Variants in DUSP19 observed in about 807,000 individuals in gnomAD.
DUSP19 encodes dual specificity protein phosphatase 19.
A neutral mutation model predicts 16.6 loss-of-function variants in DUSP19; 14 were observed. That is an observed-to-expected ratio of 0.84 (90% CI 0.56 to 1.32). The LOEUF (loss-of-function observed/expected upper bound fraction) is 1.32. Among genes scored for constraint, DUSP19 ranks in the 40% most tolerant of loss-of-function variants. The pLI is 0.00. For synonymous variants in DUSP19, 81 were observed against 90.5 expected, an observed-to-expected ratio of 0.90 and a Z score of 0.59; for missense variants, 258 against 255.9, an observed-to-expected ratio of 1.01 and a Z score of -0.06.
At chr2:183,079,538 T>C (rs946560051) in intron 1 of DUSP19, among the ~76,000 whole-genome samples, 7 of 151,780 alleles carry the variant, frequency 4.6e-5, no homozygotes, top group Non-Finnish European at 5.9e-5. Flanking sequence ...CAAGTGACAA[T>C]GGTTAAAGTT....
At chr2:183,092,058 C>T (rs1467231430) in intron 3 of DUSP19, among the ~76,000 whole-genome samples, 1 of 152,128 alleles carries the variant, frequency 6.6e-6, no homozygotes, top group Non-Finnish European at 1.5e-5. Flanking sequence ...AAGGTTGTGC[C>T]TGAATATAAA....
chr2:183,083,578 C>T (rs371382339), intron 2 of DUSP19, 24 bp downstream of exon 2: 170 of 1,578,750 alleles, frequency 1.1e-4, no homozygotes, highest in Non-Finnish European at 1.4e-4. Context: ...TTAAGTCTGG[C>T]ACCATATACA....
intron 3 of DUSP19, among the ~76,000 whole-genome samples, chr2:183,088,776 T>TA (rs1164649964): frequency 1.3e-5 from 2 of 152,184 alleles, no homozygotes; most frequent in East Asian, 3.9e-4. Flanking sequence ...GTTTTCTTGT[T>TA]AAAAAATTTA....
intron 3 of DUSP19, among the ~76,000 whole-genome samples, chr2:183,093,490 A>G (rs1276393925): frequency 6.6e-6 from 1 of 152,188 alleles, no homozygotes; most frequent in Non-Finnish European, 1.5e-5. Flanking sequence ...CAGCAAGTGC[A>G]AAGGAAAAAA....
At chr2:183,090,679 A>G (rs1355045365) in intron 3 of DUSP19, among the ~76,000 whole-genome samples, 2 of 152,218 alleles carry the variant, frequency 1.3e-5, no homozygotes, top group East Asian at 3.8e-4. Flanking sequence ...AGTATCATAC[A>G]GTTTATATTC....
chr2:183,090,881 C>T lies in DUSP19; in HGVS notation c.426+3689C>T, dbSNP rs150827978. On this transcript the variant is annotated intron_variant, in intron 3 of 3. Coordinates refer to ENST00000354221, the MANE Select transcript of DUSP19 (RefSeq NM_080876.4). ...GCCCACCCGGCTGAGGCCAGCAGGC[C>T]TCTTGGCACATTCTTGGATCCCTGC... Among the ~76,000 whole-genome samples, 15 of 152,320 alleles carry T rather than the reference C, an allele frequency of 9.8e-5. 1 individual carries two copies. The East Asian group carries it at 2.9e-3, about 29-fold the overall frequency.
chr2:183,086,066 A>G (rs547417572), intron 2 of DUSP19, among the ~76,000 whole-genome samples: 1 of 151,858 alleles, frequency 6.6e-6, no homozygotes, highest in Non-Finnish European at 1.5e-5. Flanking sequence ...ACATAGATGC[A>G]AGAGGAGGAG....
chr2:183,086,651 GAAAAA>G (rs71008262), intron 2 of DUSP19, among the ~76,000 whole-genome samples: 1 of 95,702 alleles, frequency 1.0e-5, no homozygotes, highest in South Asian at 4.0e-4. Flanking sequence ...CCTCTTCTCT[GAAAAA>G]AAAAAAAAAA....
rs183355256 is a variant in DUSP19 at position 183,095,863 on chromosome 2, T to C, written c.*205T>C. 9.3e-4 allele frequency: 350 copies of C among 376,462 alleles called. 3 individuals are homozygous for C. Among genetic ancestry groups the C allele is most frequent in the African/African-American group, 6.7e-3 (323 of 48,480 alleles). 23.3% of individuals were successfully genotyped at this position (376,462 alleles called of 1,614,324 possible). A position where few individuals can be genotyped will look rare whatever the true frequency, so the allele number is the denominator to read the frequency against. On this transcript the variant is annotated 3_prime_UTR_variant, in exon 4 of 4. Coordinates refer to ENST00000354221, the MANE Select transcript of DUSP19 (RefSeq NM_080876.4). Reference sequence around the variant, plus strand: ...ACTTTCTCTTTGTTATTATAATGTGTGATTAAATGCTTTTTTAAATTGCTA... The same window carrying C: ...ACTTTCTCTTTGTTATTATAATGTGCGATTAAATGCTTTTTTAAATTGCTA...
intron 1 of DUSP19, chr2:183,083,291 C>T: frequency 8.8e-6 from 4 of 457,078 alleles, no homozygotes; most frequent in Non-Finnish European, 1.6e-5. Context: ...ATCTTTGCAA[C>T]ATCTATAACT....
In DUSP19 at chr2:183,092,431, C is replaced by T. The variant is rs73035670; in HGVS notation, c.427-3000C>T. On this transcript the variant is annotated intron_variant, in intron 3 of 3. Transcript: ENST00000354221. ...GACAGGCCCCCAGTTTGTGTTGTTC[C>T]GCTCCATGTGTCTATGTGTTCACGT... is the stretch of plus-strand genomic sequence containing the variant. Among the ~76,000 whole-genome samples the T allele has an allele frequency of 8.6e-3, 1,314 of 152,174 alleles. 21 individuals carry two copies. The highest frequency in any genetic ancestry group is 0.03 in the African/African-American group (1,229 of 41,470).
Position 183,085,847 on chromosome 2 carries a change from GTTT to G in DUSP19, c.274-1159_274-1157del, listed in dbSNP as rs71008261. Among the ~76,000 whole-genome samples the G allele has an allele frequency of 3.9e-3, 197 of 50,918 alleles. 13 individuals are homozygous for G. Among genetic ancestry groups the G allele is most frequent in the African/African-American group, 6.1e-3 (97 of 15,910 alleles). The allele number at this position is 50,918 out of a possible 152,430, so 33.4% of individuals were successfully genotyped here. Reference sequence around the variant, plus strand: ...GTACAGATGTGGACAAGGTTGTTAGGTTTTTTTTTTTTTTTTTTTTTTTTTTTT... The same window carrying G: ...GTACAGATGTGGACAAGGTTGTTAGGTTTTTTTTTTTTTTTTTTTTTTTTT... On this transcript the variant is annotated intron_variant, in intron 2 of 3. Transcript: ENST00000354221.
intron 2 of DUSP19, among the ~76,000 whole-genome samples, chr2:183,085,458 G>A (rs1699647340): frequency 1.3e-5 from 2 of 152,290 alleles, no homozygotes; most frequent in South Asian, 4.1e-4. Flanking sequence ...GTACGATTAG[G>A]ACTAAATTAT....
At position 183,095,589 on chromosome 2, in the gene DUSP19, G is replaced by A. The variant is rs546721279; in HGVS notation, c.585G>A (p.Glu195=). 10 of 1,614,058 alleles carry A rather than the reference G, an allele frequency of 6.2e-6. No homozygotes were observed. Among genetic ancestry groups the A allele is most frequent in the South Asian group, 1.1e-5 (1 of 91,082 alleles). Residue 195 remains glutamate (E), a synonymous_variant, in exon 4 of 4, where the codon GAG becomes GAA. Coordinates refer to ENST00000354221, the MANE Select transcript of DUSP19 (RefSeq NM_080876.4). ...PSICPNSGFM[E]QLRTYQEGKE... is the part of the protein sequence containing the mutation. ...TATGTCCAAATTCTGGCTTCATGGA[G>A]CAGCTTCGTACATATCAAGAGGGCA...
Position 183,095,698 on chromosome 2 carries a change from A to G in DUSP19, c.*40A>G. The G allele has an allele frequency of 1.3e-6, 2 of 1,496,594 alleles. No individual in the cohort carries two copies. The highest frequency in any genetic ancestry group is 1.8e-6 in the Non-Finnish European group (2 of 1,088,302). The allele number at this position is 1,496,594 out of a possible 1,614,324, so 92.7% of individuals were successfully genotyped here. A position where few individuals can be genotyped will look rare whatever the true frequency, so the allele number is the denominator to read the frequency against. On this transcript the variant is annotated 3_prime_UTR_variant, in exon 4 of 4. Transcript: ENST00000354221. ...GACAATGGACAACTGTAGTTTCTGA[A>G]TTGACTTCTATAGCCATCTTTTCCC... is the stretch of plus-strand genomic sequence containing the variant.
At chr2:183,089,866 T>C (rs1699710699) in intron 3 of DUSP19, among the ~76,000 whole-genome samples, 1 of 152,218 alleles carries the variant, frequency 6.6e-6, no homozygotes, top group Admixed American at 6.5e-5. Flanking sequence ...CTCCACCTCC[T>C]GCACTCAAGT....
chr2:183,083,575 T>C, intron 2 of DUSP19, 21 bp downstream of exon 2: 1 of 1,596,244 alleles, frequency 6.3e-7, no homozygotes, highest in Non-Finnish European at 8.6e-7. Context: ...GCTTTAAGTC[T>C]GGCACCATAT....
At chr2:183,082,819 TTC>T (rs1699609805) in intron 1 of DUSP19, among the ~76,000 whole-genome samples, 1 of 151,466 alleles carries the variant, frequency 6.6e-6, no homozygotes, top group African/African-American at 2.4e-5. Flanking sequence ...TGTTCGTTCG[TTC>T]GTTCGTTCCT....
At chr2:183,089,093 G>A (rs1298433709) in intron 3 of DUSP19, among the ~76,000 whole-genome samples, 1 of 152,104 alleles carries the variant, frequency 6.6e-6, no homozygotes, top group Non-Finnish European at 1.5e-5. Flanking sequence ...ATTTTAGCTT[G>A]GGTTTCCTAA....
Sources: gnomAD v4.1 joint callset for allele counts (sites outside exome capture counted in the v4.1 genomes callset) on GRCh38, gnomAD v4.1.1 for gene constraint, MANE v1.5 for transcripts, NCBI Gene and HGNC (gene_info 2026-07-23, HGNC 2026-07-21) for gene names.